Variants in SLC4A10 observed in about 807,000 individuals in gnomAD.
SLC4A10 encodes sodium-driven chloride bicarbonate exchanger.
A neutral mutation model predicts 137.7 loss-of-function variants in SLC4A10; 42 were observed. The ratio of observed to expected loss-of-function variants is 0.30; its 90% CI spans 0.24 to 0.39. The LOEUF is 0.39. SLC4A10 is among the 10% of genes least tolerant of loss of function. The pLI is 1.00. For synonymous variants in SLC4A10, 474 were observed against 464.1 expected (o/e 1.02, Z -0.27); for missense variants, 925 against 1,355.0 (o/e 0.68, Z 4.98).
At chr2:161,692,148 G>A (rs369251075) in intron 1 of SLC4A10, among the ~76,000 whole-genome samples, 1 of 152,020 alleles carries the variant, frequency 6.6e-6, no homozygotes, top group South Asian at 2.1e-4. Context: ...TCTGTGGAAA[G>A]GACACCCCAG....
At chr2:161,783,798 A>T (rs1178606330) in intron 2 of SLC4A10, among the ~76,000 whole-genome samples, 1 of 151,846 alleles carries the variant, frequency 6.6e-6, no homozygotes, top group Non-Finnish European at 1.5e-5. Flanking sequence ...ACAAAAAAAA[A>T]TCAACAAAAC....
At chr2:161,727,432 C>A (rs1224692146) in intron 1 of SLC4A10, among the ~76,000 whole-genome samples, 1 of 152,134 alleles carries the variant, frequency 6.6e-6, no homozygotes, top group Non-Finnish European at 1.5e-5. Flanking sequence ...AAAGATTATG[C>A]AATCTCTGAA....
chr2:161,767,163 GTTT>G (rs1207168468), intron 1 of SLC4A10, among the ~76,000 whole-genome samples: 1 of 88,934 alleles, frequency 1.1e-5, no homozygotes, highest in Non-Finnish European at 2.2e-5. Flanking sequence ...GTGTGTGTGT[GTTT>G]TATTTATATA....
At chr2:161,828,143 A>G (rs373835546) in intron 3 of SLC4A10, among the ~76,000 whole-genome samples, 2 of 151,834 alleles carry the variant, frequency 1.3e-5, no homozygotes, top group African/African-American at 4.8e-5. Context: ...ATTCTATTTC[A>G]CTCCAGTTTT....
At chr2:161,680,377 A>T (rs1264641706) in intron 1 of SLC4A10, among the ~76,000 whole-genome samples, 1 of 152,166 alleles carries the variant, frequency 6.6e-6, no homozygotes, top group African/African-American at 2.4e-5. Flanking sequence ...AGAGGTAAAC[A>T]TATAGCAAAA....
chr2:161,793,938 GAAGAT>G (rs2054485081), intron 2 of SLC4A10, among the ~76,000 whole-genome samples: 1 of 151,998 alleles, frequency 6.6e-6, no homozygotes, highest in Non-Finnish European at 1.5e-5. Context: ...GATTGAATTA[GAAGAT>G]AATATAGCAT....
chr2:161,864,646 T>C (rs1402148086), intron 6 of SLC4A10, among the ~76,000 whole-genome samples: 2 of 152,190 alleles, frequency 1.3e-5, no homozygotes, highest in Non-Finnish European at 2.9e-5. Flanking sequence ...AAAATTATTA[T>C]GAATACTTTA....
intron 4 of SLC4A10, among the ~76,000 whole-genome samples, chr2:161,840,920 G>A (rs1333983386): frequency 1.3e-5 from 2 of 152,176 alleles, no homozygotes; most frequent in African/African-American, 4.8e-5. Context: ...GTGAAAGAGA[G>A]GATCAGGGTA....
At chr2:161,735,232 T>C (rs1277382804) in intron 1 of SLC4A10, among the ~76,000 whole-genome samples, 1 of 150,430 alleles carries the variant, frequency 6.6e-6, no homozygotes, top group Non-Finnish European at 1.5e-5. Context: ...AAGTAAGTAA[T>C]TTTGAACTGT....
chr2:161,846,039 G>A (rs1015428854), intron 4 of SLC4A10, among the ~76,000 whole-genome samples: 3 of 152,058 alleles, frequency 2.0e-5, no homozygotes, highest in African/African-American at 7.2e-5. Context: ...GGATGAAAAG[G>A]CAAGCTACAG....
chr2:161,826,094 C>T (rs2058004554), intron 3 of SLC4A10, among the ~76,000 whole-genome samples: 1 of 151,980 alleles, frequency 6.6e-6, no homozygotes, highest in African/African-American at 2.4e-5. Flanking sequence ...CTAGAAATTT[C>T]AATGAATAGA....
chr2:161,934,726 G>A (rs1371756916), intron 15 of SLC4A10, among the ~76,000 whole-genome samples: 1 of 151,850 alleles, frequency 6.6e-6, no homozygotes, highest in African/African-American at 2.4e-5. Context: ...CATACCATTG[G>A]CTATTTGTAT....
At chr2:161,875,902 A>G (rs1473012657) in intron 8 of SLC4A10, among the ~76,000 whole-genome samples, 1 of 152,188 alleles carries the variant, frequency 6.6e-6, no homozygotes, top group South Asian at 2.1e-4. Flanking sequence ...GAGAATCCCT[A>G]TGAAGTTTCT....
intron 1 of SLC4A10, among the ~76,000 whole-genome samples, chr2:161,653,535 C>CTTTTTAATA (rs2037103171): frequency 6.6e-6 from 1 of 152,178 alleles, no homozygotes; most frequent in Admixed American, 6.5e-5. Context: ...TAATAATCGC[C>CTTTTTAATA]ATTCTAACTG....
At chr2:161,951,112 A>G (rs1466040601) in intron 19 of SLC4A10, among the ~76,000 whole-genome samples, 2 of 152,150 alleles carry the variant, frequency 1.3e-5, no homozygotes, top group African/African-American at 4.8e-5. Context: ...TAACTTTTCC[A>G]TACTTAACAT....
chr2:161,949,026 A>G (rs899480497), intron 17 of SLC4A10, 122 bp from the exon 18 acceptor site: 2 of 593,260 alleles, frequency 3.4e-6, no homozygotes, highest in African/African-American at 3.8e-5. Context: ...TAGTATGCAT[A>G]AAATATAATA....
intron 3 of SLC4A10, among the ~76,000 whole-genome samples, chr2:161,818,782 A>G (rs1326064541): frequency 6.6e-6 from 1 of 152,158 alleles, no homozygotes; most frequent in Non-Finnish European, 1.5e-5. Flanking sequence ...GATTACATTT[A>G]TCGATTTGCA....
At chr2:161,981,924 G>A (rs1700270279) in intron 26 of SLC4A10, among the ~76,000 whole-genome samples, 1 of 152,194 alleles carries the variant, frequency 6.6e-6, no homozygotes, top group African/African-American at 2.4e-5. Context: ...TTACCTGATG[G>A]TGCCGGGTGG....
chr2:161,949,146 A>T lies in SLC4A10; in HGVS notation c.2266-2A>T. The T allele has an allele frequency of 6.3e-7, 1 of 1,597,152 alleles. No individual in the cohort carries two copies. Among genetic ancestry groups the T allele is most frequent in the Non-Finnish European group, 8.6e-7 (1 of 1,168,778 alleles). On this transcript the variant is annotated splice_acceptor_variant, in intron 17 of 26. Transcript: ENST00000446997. LOFTEE classifies it high-confidence loss of function. ...AGTGACAAGTGTTTTCATTATTTTTAGGTTCGATCCATAGTGAGTGACTTT... is the reference window on the plus strand; with the variant it reads ...AGTGACAAGTGTTTTCATTATTTTTTGGTTCGATCCATAGTGAGTGACTTT...
Sources: gnomAD v4.1 joint callset for allele counts (sites outside exome capture counted in the v4.1 genomes callset) on GRCh38, gnomAD v4.1.1 for gene constraint, MANE v1.5 for transcripts, NCBI Gene and HGNC (gene_info 2026-07-23, HGNC 2026-07-21) for gene names.